The following MPV17L variants were observed in gnomAD, a reference collection of about 807,000 sequenced individuals.
MPV17L encodes mpv17-like protein.
A neutral mutation model predicts 25.8 loss-of-function variants in MPV17L; 24 were observed. That is an observed-to-expected ratio of 0.93 (90% CI 0.67 to 1.31). MPV17L has a LOEUF of 1.31. Ranked by LOEUF, MPV17L falls within the 50% of genes most tolerant of loss-of-function variation. The pLI is 0.00. For missense variants in MPV17L, 250 were observed against 265.6 expected (o/e 0.94, Z 0.41); for synonymous variants, 102 against 115.3 (o/e 0.88, Z 0.74).
chr16:15,408,546 TA>T lies in MPV17L; in HGVS notation c.*436del, dbSNP rs1336146105. On this transcript the variant is annotated 3_prime_UTR_variant, in exon 4 of 4. Coordinates refer to ENST00000396385, the MANE Select transcript of MPV17L (RefSeq NM_001128423.2). ...ATAGAACTCAATCGAAATGAAGATTTAATAACCAGATTTCTTTCTCCAAAAC... is the reference window on the plus strand; with the variant it reads ...ATAGAACTCAATCGAAATGAAGATTTATAACCAGATTTCTTTCTCCAAAAC... 2 of 152,892 alleles carry T rather than the reference TA, an allele frequency of 1.3e-5. No homozygotes were observed. Among genetic ancestry groups the T allele is most frequent in the Non-Finnish European group, 2.9e-5 (2 of 68,900 alleles). The allele number at this position is 152,892 out of a possible 1,614,324, so 9.5% of individuals were successfully genotyped here.
At chr16:15,405,966 A>G (rs1567432993) in intron 2 of MPV17L, among the ~76,000 whole-genome samples, 1 of 151,944 alleles carries the variant, frequency 6.6e-6, no homozygotes, top group Non-Finnish European at 1.5e-5. Context: ...AGGCGGGCAG[A>G]TCACCTGAGG....
At position 15,412,949 on chromosome 16, in the gene MPV17L, A is replaced by G. The variant is rs2050747106; in HGVS notation, c.*4837A>G. On this transcript the variant is annotated 3_prime_UTR_variant, in exon 4 of 4. Transcript: ENST00000396385. ...TTTGTTTACTGTTTCTCTTCCAAGG[A>G]CGGTCAGTCATCCTTTAAAATTCAT... 1.3e-5 allele frequency: 2 copies of G among 152,138 alleles called. No individual in the cohort carries two copies. The highest frequency in any genetic ancestry group is 6.6e-5 in the Admixed American group (1 of 15,246). The allele number at this position is 152,138 out of a possible 1,614,324, so 9.4% of individuals were successfully genotyped here.
chr16:15,401,672 TAGTC>T (rs898487627), intron 2 of MPV17L, among the ~76,000 whole-genome samples: 6 of 151,972 alleles, frequency 3.9e-5, no homozygotes, highest in East Asian at 1.9e-4. Context: ...ATACAAAAAA[TAGTC>T]AGGCACGGTG....
At position 15,412,645 on chromosome 16, in the gene MPV17L, G is replaced by A. The variant is rs1361612845; in HGVS notation, c.*4533G>A. 2.0e-5 allele frequency: 3 copies of A among 148,506 alleles called. No homozygotes were observed. The highest frequency in any genetic ancestry group is 5.0e-5 in the African/African-American group (2 of 40,224). The allele number at this position is 148,506 out of a possible 1,614,324, so 9.2% of individuals were successfully genotyped here. ...GGTTGGAGTGCAGTGTCGCGATCTCGCCTCACTGCAACCTCTGTCTCCCGG... is the reference window on the plus strand; with the variant it reads ...GGTTGGAGTGCAGTGTCGCGATCTCACCTCACTGCAACCTCTGTCTCCCGG... On this transcript the variant is annotated 3_prime_UTR_variant, in exon 4 of 4. Coordinates refer to ENST00000396385, the MANE Select transcript of MPV17L (RefSeq NM_001128423.2).
At chr16:15,406,055 C>T (rs1383212710) in intron 2 of MPV17L, among the ~76,000 whole-genome samples, 1 of 151,716 alleles carries the variant, frequency 6.6e-6, no homozygotes, top group African/African-American at 2.4e-5. Context: ...CAGGCATGGT[C>T]GTGTGCACCT....
chr16:15,405,637 G>A (rs1051613844), intron 2 of MPV17L, among the ~76,000 whole-genome samples: 3 of 151,424 alleles, frequency 2.0e-5, no homozygotes, highest in Admixed American at 6.6e-5. Flanking sequence ...AGTAGACACA[G>A]GGTTTCTACA....
intron 1 of MPV17L, among the ~76,000 whole-genome samples, chr16:15,398,449 G>C (rs1165976678): frequency 6.6e-6 from 1 of 152,104 alleles, no homozygotes; most frequent in Admixed American, 6.6e-5. Context: ...CTCATGGTGG[G>C]AAGTTTGACA....
At chr16:15,400,289 C>T (rs1682952803) in intron 1 of MPV17L, among the ~76,000 whole-genome samples, 1 of 150,244 alleles carries the variant, frequency 6.7e-6, no homozygotes, top group Admixed American at 6.6e-5. Flanking sequence ...GCTATTCTCA[C>T]TTCGTATTTA....
chr16:15,405,347 C>T (rs2050671064), intron 2 of MPV17L, among the ~76,000 whole-genome samples: 3 of 148,576 alleles, frequency 2.0e-5, no homozygotes, highest in South Asian at 2.1e-4. Flanking sequence ...CAACCTGGCC[C>T]GCATAGTGAG....
rs563872840 is a variant in MPV17L at position 15,405,118 on chromosome 16, C to T, written c.382-2706C>T. On this transcript the variant is annotated intron_variant, in intron 2 of 3. Transcript: ENST00000396385. Reference sequence around the variant, plus strand: ...TCATCTTGTACTTGCACCTGCCCTGCCCTGGCCCTAGAATCAGCCAATTCT... The same window carrying T: ...TCATCTTGTACTTGCACCTGCCCTGTCCTGGCCCTAGAATCAGCCAATTCT... 1.2e-4 allele frequency among the ~76,000 whole-genome samples: 19 copies of T among 152,188 alleles called. 1 individual carries two copies. The South Asian group carries it at 3.9e-3, about 32-fold the overall frequency.
chr16:15,401,330 T>C (rs1355243154), intron 2 of MPV17L, among the ~76,000 whole-genome samples: 3 of 151,936 alleles, frequency 2.0e-5, no homozygotes, highest in Admixed American at 1.3e-4. Flanking sequence ...TAGCACAGGC[T>C]GGCCTTGAAC....
chr16:15,407,890 T>C (rs111659587), intron 3 of MPV17L, 37 bp downstream of exon 3: 1 of 1,613,506 alleles, frequency 6.2e-7, no homozygotes, highest in Non-Finnish European at 8.5e-7. Flanking sequence ...AACTCAGGGC[T>C]TTGGTTTCCA....
Position 15,407,921 on chromosome 16 carries a change from T to A in MPV17L, c.412-12T>A, listed in dbSNP as rs765171806. 1.2e-6 allele frequency: 2 copies of A among 1,613,668 alleles called. No homozygotes were observed. Among genetic ancestry groups the A allele is most frequent in the East Asian group, 4.5e-5 (2 of 44,876 alleles). On this transcript the variant is annotated splice_polypyrimidine_tract_variant and intron_variant, in intron 3 of 3. Transcript: ENST00000396385. ...TTCCATGTGGCCCTAACGGACTCTC[T>A]CTCTGTTCCAGCTGACCAACTTCAG...
rs576239225 is a variant in MPV17L at position 15,395,779 on chromosome 16, G to A, written c.-119G>A. ...AATCGCTCCGGAGCTTCTGGAGGGG[G>A]CAGATGCAGGTGCCGGCTGCTGCAG... On this transcript the variant is annotated 5_prime_UTR_variant, in exon 1 of 4. Coordinates refer to ENST00000396385, the MANE Select transcript of MPV17L (RefSeq NM_001128423.2). 4.5e-5 allele frequency: 41 copies of A among 919,112 alleles called. No individual in the cohort carries two copies. The highest frequency in any genetic ancestry group is 7.1e-4 in the Middle Eastern group (2 of 2,818). 56.9% of individuals were successfully genotyped at this position (919,112 alleles called of 1,614,324 possible).
In MPV17L at chr16:15,411,331, A is replaced by T. The variant is rs1199647527; in HGVS notation, c.*3219A>T. On this transcript the variant is annotated 3_prime_UTR_variant, in exon 4 of 4. Coordinates refer to ENST00000396385, the MANE Select transcript of MPV17L (RefSeq NM_001128423.2). ...TGTGGTATCACTTTTATGATAGAAG[A>T]ATAGTGTTTGCATTTTGTATAAAAG... 6.6e-6 allele frequency: 1 copy of T among 152,212 alleles called. No homozygotes were observed. The allele number at this position is 152,212 out of a possible 1,614,324, so 9.4% of individuals were successfully genotyped here. A position where few individuals can be genotyped will look rare whatever the true frequency, so the allele number is the denominator to read the frequency against.
At chr16:15,406,193 AATAT>A (rs199929663) in intron 2 of MPV17L, among the ~76,000 whole-genome samples, 1 of 151,288 alleles carries the variant, frequency 6.6e-6, no homozygotes, top group African/African-American at 2.4e-5. Context: ...CATCTCAAAA[AATAT>A]ATATATATAC....
Position 15,400,815 on chromosome 16 carries a change from C to T in MPV17L, c.339C>T (p.Asp113=). The T allele has an allele frequency of 6.2e-7, 1 of 1,603,690 alleles. No homozygotes were observed. Among genetic ancestry groups the T allele is most frequent in the Non-Finnish European group, 8.5e-7 (1 of 1,175,464 alleles). ...VGMSILQGKD[D]IFLDLKQKFW... ...TGAGCATTCTCCAAGGAAAGGATGA[C>T]ATATTTTTGGACCTGAAACAGAAAT... Residue 113 remains aspartate, a synonymous_variant, in exon 2 of 4, where the codon GAC becomes GAT. Transcript: ENST00000396385.
chr16:15,405,102 A>C (rs1309811957), intron 2 of MPV17L, among the ~76,000 whole-genome samples: 1 of 152,010 alleles, frequency 6.6e-6, no homozygotes, highest in Admixed American at 6.6e-5. Flanking sequence ...ATCATCTTGT[A>C]CTTGCACCTG....
In MPV17L at chr16:15,395,884, C is replaced by G; in HGVS notation, c.-14C>G. 7.2e-7 allele frequency: 1 copy of G among 1,388,816 alleles called. No homozygotes were observed. The highest frequency in any genetic ancestry group is 1.6e-5 in the South Asian group (1 of 61,000). The allele number at this position is 1,388,816 out of a possible 1,614,324, so 86.0% of individuals were successfully genotyped here. On this transcript the variant is annotated 5_prime_UTR_variant, in exon 1 of 4. Coordinates refer to ENST00000396385, the MANE Select transcript of MPV17L (RefSeq NM_001128423.2). ...CCACGCGGGCTCCTGATCGCGGGCG[C>G]CCACAGCGCGGACATGGCGGGCTGG...
Sources: gnomAD v4.1 joint callset for allele counts (sites outside exome capture counted in the v4.1 genomes callset) on GRCh38, gnomAD v4.1.1 for gene constraint, MANE v1.5 for transcripts, NCBI Gene and HGNC (gene_info 2026-07-23, HGNC 2026-07-21) for gene names.